The following ZNF557 variants were observed in gnomAD, a reference collection of about 807,000 sequenced individuals.
The protein encoded by ZNF557 is zinc finger protein 557.
ZNF557 carries 19 observed loss-of-function variants against 21.2 expected under a neutral mutation model. The ratio of observed to expected loss-of-function variants is 0.90; its 90% confidence interval spans 0.63 to 1.32. ZNF557 has a LOEUF of 1.32. ZNF557 is among the 40% of genes most tolerant of loss of function. ZNF557 has a pLI of 0.00. For synonymous variants in ZNF557, 207 were observed against 194.8 expected, an observed-to-expected ratio of 1.06 and a Z score of -0.52; for missense variants, 487 against 519.8, an observed-to-expected ratio of 0.94 and a Z score of 0.61.
intron 6 of ZNF557, 59 bp downstream of exon 6, chr19:7,081,514 G>A: frequency 1.8e-6 from 2 of 1,142,714 alleles, no homozygotes; most frequent in Non-Finnish European, 1.3e-6. Context: ...GGACTGAGAA[G>A]TTGGGAGTAT....
At position 7,075,121 on chromosome 19, in the gene ZNF557, C is replaced by G; in HGVS notation, c.31+16C>G. On this transcript the variant is annotated intron_variant, in intron 3 of 7. Coordinates refer to ENST00000252840, the MANE Select transcript of ZNF557 (RefSeq NM_024341.3). The stretch of plus-strand genomic sequence containing the variant: ...CCAACTGCCGGTGAGTCATGGGGTC[C>G]TGGCAGTTCTCAGAGTCCAGGCTTG... 6.2e-7 allele frequency: 1 copy of G among 1,614,010 alleles called. No individual in the cohort carries two copies. Among genetic ancestry groups the G allele is most frequent in the Non-Finnish European group, 8.5e-7 (1 of 1,179,972 alleles).
chr19:7,082,764 A>T, intron 7 of ZNF557, 114 bp from the exon 8 acceptor site: 1 of 1,114,964 alleles, frequency 9.0e-7, no homozygotes, highest in South Asian at 1.8e-5. Flanking sequence ...TGGCAAAAAC[A>T]TTAATTCCAA....
chr19:7,074,329 T>TACACACACACACACAC (rs143012504), intron 2 of ZNF557, among the ~76,000 whole-genome samples: 2,249 of 147,114 alleles, frequency 0.015, 39 homozygotes, highest in Admixed American at 0.037. Context: ...TTTGTGTGTA[T>TACACACACACACACAC]ATACACACAC....
Position 7,087,796 on chromosome 19 carries a change from A to T in ZNF557, c.*4052A>T, listed in dbSNP as rs1283361494. 1 of 151,960 alleles carries T rather than the reference A, an allele frequency of 6.6e-6. No homozygotes were observed. The highest frequency in any genetic ancestry group is 6.6e-5 in the Admixed American group (1 of 15,234). 9.4% of individuals were successfully genotyped at this position (151,960 alleles called of 1,614,324 possible). A position where few individuals can be genotyped will look rare whatever the true frequency, so the allele number is the denominator to read the frequency against. ...TAATCCTGTTTATTGATCTGTTTTT[A>T]TAAGTGCTCCATGATTCTCTGAAAA... On this transcript the variant is annotated 3_prime_UTR_variant, in exon 8 of 8. Transcript: ENST00000252840.
Position 7,070,650 on chromosome 19 carries a change from TC to T in ZNF557, c.-82del, listed in dbSNP as rs1977438862. 1 of 152,222 alleles carries T rather than the reference TC, an allele frequency of 6.6e-6. No individual in the cohort carries two copies. Among genetic ancestry groups the T allele is most frequent in the African/African-American group, 2.4e-5 (1 of 41,448 alleles). The allele number at this position is 152,222 out of a possible 1,614,324, so 9.4% of individuals were successfully genotyped here. ...CACTGATCCGTGGACTTCTGTATGA[TC>T]AGGTAGGTACCGTGTAGAACCTGCA... is the stretch of plus-strand genomic sequence containing the variant. On this transcript the variant is annotated splice_region_variant and 5_prime_UTR_variant, in exon 2 of 8. It removes the in-frame stop codon of an upstream open reading frame in the 5' UTR. Coordinates refer to ENST00000252840, the MANE Select transcript of ZNF557 (RefSeq NM_024341.3).
At chr19:7,079,297 A>G (rs867127092) in intron 5 of ZNF557, among the ~76,000 whole-genome samples, 7 of 134,370 alleles carry the variant, frequency 5.2e-5, no homozygotes, top group Non-Finnish European at 9.1e-5. Flanking sequence ...GCTGGAGTGC[A>G]GTGGTGCAAT....
chr19:7,072,555 G>C (rs116689669), intron 2 of ZNF557, among the ~76,000 whole-genome samples: 2 of 151,956 alleles, frequency 1.3e-5, no homozygotes, highest in Non-Finnish European at 2.9e-5. Flanking sequence ...AACCTTTCCC[G>C]TGCACTCTGG....
chr19:7,080,712 A>C (rs1271263528), intron 5 of ZNF557, among the ~76,000 whole-genome samples: 1 of 152,114 alleles, frequency 6.6e-6, no homozygotes, highest in African/African-American at 2.4e-5. Flanking sequence ...AAATGTCACA[A>C]ATCTCTCTTA....
At chr19:7,079,486 C>T (rs961328251) in intron 5 of ZNF557, among the ~76,000 whole-genome samples, 15 of 152,078 alleles carry the variant, frequency 9.9e-5, no homozygotes, top group Non-Finnish European at 2.1e-4. Context: ...GTGATCCGCC[C>T]ACCTTGGCCT....
At chr19:7,076,565 TC>T (rs1362972135) in intron 5 of ZNF557, 58 bp downstream of exon 5, 2 of 1,576,186 alleles carry the variant, frequency 1.3e-6, no homozygotes, top group African/African-American at 2.7e-5. Context: ...GTCTTTTTTT[TC>T]TTTTTTTAAA....
At chr19:7,081,812 T>C (rs1279236676) in intron 6 of ZNF557, among the ~76,000 whole-genome samples, 158 bp from the exon 7 acceptor site, 3 of 152,192 alleles carry the variant, frequency 2.0e-5, no homozygotes, top group Non-Finnish European at 4.4e-5. Flanking sequence ...AAACATTGCC[T>C]AAAATTTTCA....
rs780545908 is a variant in ZNF557 at position 7,082,889 on chromosome 19, T to C, written c.438T>C (p.His146=). The C allele has an allele frequency of 1.3e-6, 2 of 1,579,300 alleles. No individual in the cohort carries two copies. The highest frequency in any genetic ancestry group is 1.7e-6 in the Non-Finnish European group (2 of 1,161,902). ...QSRNMKMERN[H]LGATLNECNQ... is the part of the protein sequence containing the mutation. ...CTCTTAATCAATAGGAGAGGAATCATCTTGGAGCAACACTCAACGAATGTA... is the reference window on the plus strand; with the variant it reads ...CTCTTAATCAATAGGAGAGGAATCACCTTGGAGCAACACTCAACGAATGTA... The change falls in exon 8 of 8, where the codon CAT becomes CAC. Residue 146 remains histidine, a synonymous_variant. Transcript: ENST00000252840.
chr19:7,082,943 A>G lies in ZNF557; in HGVS notation c.492A>G (p.Lys164=). ...CNQCFKVFST[K]SSLTRHRKIH... ...AGTGTTTTAAAGTCTTCAGCACAAA[A>G]TCTTCCCTTACACGGCACAGGAAGA... The change falls in exon 8 of 8, where the codon AAA becomes AAG. Residue 164 remains lysine (K), a synonymous_variant. Coordinates refer to ENST00000252840, the MANE Select transcript of ZNF557 (RefSeq NM_024341.3). 6.2e-7 allele frequency: 1 copy of G among 1,612,922 alleles called. No individual in the cohort carries two copies. The highest frequency in any genetic ancestry group is 8.5e-7 in the Non-Finnish European group (1 of 1,179,440).
chr19:7,085,092 C>G lies in ZNF557; in HGVS notation c.*1348C>G, dbSNP rs1327241270. 1 of 152,180 alleles carries G rather than the reference C, an allele frequency of 6.6e-6. No individual in the cohort carries two copies. Among genetic ancestry groups the G allele is most frequent in the Non-Finnish European group, 1.5e-5 (1 of 68,038 alleles). 9.4% of individuals were successfully genotyped at this position (152,180 alleles called of 1,614,324 possible). A position where few individuals can be genotyped will look rare whatever the true frequency, so the allele number is the denominator to read the frequency against. ...CCATTTTTAAGAAGTGAGATTCATA[C>G]TAGAAAAACCATTGAATTCCATCAG... On this transcript the variant is annotated 3_prime_UTR_variant, in exon 8 of 8. Coordinates refer to ENST00000252840, the MANE Select transcript of ZNF557 (RefSeq NM_024341.3).
chr19:7,079,566 A>C (rs1038062069), intron 5 of ZNF557, among the ~76,000 whole-genome samples: 44 of 152,064 alleles, frequency 2.9e-4, no homozygotes, highest in Admixed American at 2.0e-3. Context: ...TACATGCCTC[A>C]TAATTTATTT....
In ZNF557 at chr19:7,082,030, A is replaced by T. The variant is rs1338254028; in HGVS notation, c.404A>T (p.Glu135Val). The T allele has an allele frequency of 6.2e-7, 1 of 1,613,792 alleles. No individual in the cohort carries two copies. Among genetic ancestry groups the T allele is most frequent in the African/African-American group, 1.3e-5 (1 of 75,036 alleles). The change falls in exon 7 of 8, where the codon GAA becomes GTA. Residue 135 changes from glutamate (E) to valine (V), a missense_variant. Coordinates refer to ENST00000252840, the MANE Select transcript of ZNF557 (RefSeq NM_024341.3). ...CCTAAGCTGCATGTTTTTCGAAAAGAACAATCTAGAAATATGAAAATGGTA... is the reference window on the plus strand; with the variant it reads ...CCTAAGCTGCATGTTTTTCGAAAAGTACAATCTAGAAATATGAAAATGGTA... ...LTPKLHVFRK[E>V]QSRNMKMERN... is the part of the protein sequence containing the mutation.
intron 5 of ZNF557, among the ~76,000 whole-genome samples, chr19:7,081,099 A>G (rs1369659822): frequency 6.6e-6 from 1 of 151,708 alleles, no homozygotes; most frequent in Admixed American, 6.6e-5. Context: ...AAACCTGGAC[A>G]GGGGCTCCTG....
At position 7,083,373 on chromosome 19, in the gene ZNF557, T is replaced by C. The variant is rs763001244; in HGVS notation, c.922T>C (p.Ser308Pro). The C allele has an allele frequency of 1.7e-5, 28 of 1,614,242 alleles. No homozygotes were observed. The highest frequency in any genetic ancestry group is 2.2e-5 in the Non-Finnish European group (26 of 1,180,046). Residue 308 changes from serine to proline, a missense_variant, in exon 8 of 8, where the codon TCT (serine) becomes CCT (proline). Ser to Pro is a moderately conservative substitution (Grantham distance 74). Coordinates refer to ENST00000252840, the MANE Select transcript of ZNF557 (RefSeq NM_024341.3). ...GKAFGTRSSL[S>P]SHYSIHTGEY... is the part of the protein sequence containing the mutation. ...GGCTTTCGGCACGAGGTCATCTCTT[T>C]CTTCGCACTATAGCATTCATACAGG... is the stretch of plus-strand genomic sequence containing the variant.
intron 1 of ZNF557, among the ~76,000 whole-genome samples, chr19:7,070,001 C>T (rs986291616): frequency 1.3e-5 from 2 of 152,172 alleles, no homozygotes; most frequent in African/African-American, 4.8e-5. Context: ...TAGTTGGAGA[C>T]GGTTTGGGAT....
Sources: gnomAD v4.1 joint callset for allele counts (sites outside exome capture counted in the v4.1 genomes callset) on GRCh38, gnomAD v4.1.1 for gene constraint, MANE v1.5 for transcripts, NCBI Gene and HGNC (gene_info 2026-07-23, HGNC 2026-07-21) for gene names.